Variants in SLC22A3 observed in about 807,000 individuals in gnomAD.
SLC22A3 encodes the protein EMT organic cation transporter 3.
A neutral mutation model predicts 59.1 loss-of-function variants in SLC22A3; 51 were observed. The observed-to-expected ratio is 0.86, with a 90% CI of 0.69 to 1.09. The LOEUF (loss-of-function observed/expected upper bound fraction) is 1.09. SLC22A3 is among the 50% of genes least tolerant of loss of function. The probability of loss-of-function intolerance (pLI) is 0.00; values close to 1 mark genes in which losing one functional copy is unlikely to be tolerated. For synonymous variants in SLC22A3, 325 were observed against 292.0 expected (o/e 1.11, Z -1.15); for missense variants, 711 against 726.3 (o/e 0.98, Z 0.24).
intron 5 of SLC22A3, among the ~76,000 whole-genome samples, chr6:160,433,548 A>G (rs575762282): frequency 4.9e-4 from 74 of 151,078 alleles, no homozygotes; most frequent in Non-Finnish European, 9.3e-4. Context: ...TACTACTACT[A>G]CTGCTACTAA....
intron 2 of SLC22A3, among the ~76,000 whole-genome samples, chr6:160,402,059 G>T (rs996893435): frequency 2.6e-5 from 4 of 151,796 alleles, no homozygotes; most frequent in African/African-American, 9.7e-5. Context: ...AATGTAAGAT[G>T]GTCTAAATGA....
chr6:160,423,223 G>A (rs1461676745), intron 5 of SLC22A3, among the ~76,000 whole-genome samples: 1 of 152,108 alleles, frequency 6.6e-6, no homozygotes, highest in South Asian at 2.1e-4. Flanking sequence ...TCTTAATCCA[G>A]TCTATCATTG....
chr6:160,445,379 G>A (rs1173610145), intron 9 of SLC22A3, among the ~76,000 whole-genome samples: 1 of 152,196 alleles, frequency 6.6e-6, no homozygotes, highest in African/African-American at 2.4e-5. Flanking sequence ...GGGCAGGGCA[G>A]GGACTGGATC....
rs316242 is a variant in SLC22A3, at chr6:160,377,470, A to C, written c.430-20509A>C. 5.3e-3 allele frequency among the ~76,000 whole-genome samples: 793 copies of C among 149,022 alleles called. 13 individuals are homozygous for C. In the East Asian group the frequency reaches 0.063, roughly 12 times the overall value. On this transcript the variant is annotated intron_variant, in intron 1 of 10. Coordinates refer to ENST00000275300, the MANE Select transcript of SLC22A3 (RefSeq NM_021977.4). Reference sequence around the variant, plus strand: ...AACACACTCCAGCTGATAGAGTGAGACTCTATTTCAAAAAAAAAAAAAGAA... The same window carrying C: ...AACACACTCCAGCTGATAGAGTGAGCCTCTATTTCAAAAAAAAAAAAAGAA...
rs1252073367 is a variant in SLC22A3 at position 160,451,956 on chromosome 6, A to G, written c.*900A>G. ...AGTTCCGATGGTGCCCGTGGTCAAAAGCGAAAAACATGGACAATTCCTATT... is the reference window on the plus strand; with the variant it reads ...AGTTCCGATGGTGCCCGTGGTCAAAGGCGAAAAACATGGACAATTCCTATT... On this transcript the variant is annotated 3_prime_UTR_variant, in exon 11 of 11. Transcript: ENST00000275300. 2 of 152,352 alleles carry G rather than the reference A, an allele frequency of 1.3e-5. No individual in the cohort carries two copies. Among genetic ancestry groups the G allele is most frequent in the African/African-American group, 4.8e-5 (2 of 41,578 alleles). The allele number at this position is 152,352 out of a possible 1,614,324, so 9.4% of individuals were successfully genotyped here. A position where few individuals can be genotyped will look rare whatever the true frequency, so the allele number is the denominator to read the frequency against.
intron 1 of SLC22A3, among the ~76,000 whole-genome samples, chr6:160,372,568 T>G (rs1785439433): frequency 6.6e-6 from 1 of 152,106 alleles, no homozygotes; most frequent in South Asian, 2.1e-4. Flanking sequence ...GAAGTTCTCC[T>G]GGATAATATC....
At chr6:160,381,745 A>C (rs1008190805) in intron 1 of SLC22A3, among the ~76,000 whole-genome samples, 8 of 152,186 alleles carry the variant, frequency 5.3e-5, no homozygotes, top group African/African-American at 1.9e-4. Context: ...TTTTTCTACC[A>C]ATGGAAAGTG....
intron 1 of SLC22A3, among the ~76,000 whole-genome samples, chr6:160,376,709 G>C (rs1374656348): frequency 6.6e-6 from 1 of 152,116 alleles, no homozygotes; most frequent in Non-Finnish European, 1.5e-5. Context: ...TATGTTCAGG[G>C]AGCCAGCCCA....
chr6:160,358,760 A>C (rs2114746806), intron 1 of SLC22A3, among the ~76,000 whole-genome samples: 1 of 152,342 alleles, frequency 6.6e-6, no homozygotes, highest in Non-Finnish European at 1.5e-5. Flanking sequence ...GTGGTGCCCA[A>C]GTCCTCCCCT....
At chr6:160,401,647 A>G (rs1786786619) in intron 2 of SLC22A3, among the ~76,000 whole-genome samples, 1 of 151,966 alleles carries the variant, frequency 6.6e-6, no homozygotes, top group East Asian at 1.9e-4. Context: ...TTCTCAATTG[A>G]TCTAACAGAT....
At chr6:160,349,401 T>C (rs1347089490) in intron 1 of SLC22A3, among the ~76,000 whole-genome samples, 4 of 152,180 alleles carry the variant, frequency 2.6e-5, no homozygotes, top group African/African-American at 9.7e-5. Flanking sequence ...TCCCGGGGAA[T>C]GGTTTTGGTA....
chr6:160,428,043 T>C (rs1217781689), intron 5 of SLC22A3, among the ~76,000 whole-genome samples: 1 of 152,154 alleles, frequency 6.6e-6, no homozygotes, highest in East Asian at 1.9e-4. Context: ...TCTTCTTTTT[T>C]CCTTTCTCCT....
At chr6:160,430,742 T>C (rs888708053) in intron 5 of SLC22A3, among the ~76,000 whole-genome samples, 3 of 152,204 alleles carry the variant, frequency 2.0e-5, no homozygotes, top group Non-Finnish European at 4.4e-5. Flanking sequence ...TCTGAACAGA[T>C]AGTGTTACCC....
At chr6:160,398,681 C>A (rs1786627953) in intron 2 of SLC22A3, among the ~76,000 whole-genome samples, 1 of 152,130 alleles carries the variant, frequency 6.6e-6, no homozygotes, top group East Asian at 1.9e-4. Context: ...AAATATTCTT[C>A]TTCCTTAAGA....
At chr6:160,441,023 TCGGTTATAAACCC>T (rs1309403231) in intron 7 of SLC22A3, among the ~76,000 whole-genome samples, 1 of 152,162 alleles carries the variant, frequency 6.6e-6, no homozygotes, top group Non-Finnish European at 1.5e-5. Context: ...ACACCTTGCC[TCGGTTATAAACCC>T]AAATTGCCCT....
At chr6:160,426,796 G>A (rs759228829) in intron 5 of SLC22A3, among the ~76,000 whole-genome samples, 8 of 152,110 alleles carry the variant, frequency 5.3e-5, no homozygotes, top group Non-Finnish European at 7.4e-5. Flanking sequence ...TCTGACCTGC[G>A]TAAGGCTCTC....
intron 1 of SLC22A3, among the ~76,000 whole-genome samples, chr6:160,365,224 C>T (rs2114760928): frequency 6.6e-6 from 1 of 152,232 alleles, no homozygotes; most frequent in Non-Finnish European, 1.5e-5. Context: ...TCAGAAATGG[C>T]CTCATGAGGT....
intron 2 of SLC22A3, among the ~76,000 whole-genome samples, chr6:160,404,048 C>T (rs1326109621): frequency 6.6e-6 from 1 of 151,852 alleles, no homozygotes; most frequent in Non-Finnish European, 1.5e-5. Context: ...CTTTTCAATG[C>T]CATGCTAGAA....
chr6:160,422,393 C>T (rs565339974), intron 5 of SLC22A3, among the ~76,000 whole-genome samples: 2 of 152,244 alleles, frequency 1.3e-5, no homozygotes, highest in South Asian at 4.2e-4. Flanking sequence ...ATCCTGCTTT[C>T]CCTAGAAAGA....
Sources: allele counts gnomAD v4.1 joint callset (sites outside exome capture counted in the v4.1 genomes callset), GRCh38; gene constraint gnomAD v4.1.1; transcripts MANE v1.5; gene names NCBI Gene and HGNC (gene_info 2026-07-23, HGNC 2026-07-21).